CRACDL: variants seen among roughly 807,000 people sequenced by gnomAD.
CRACDL encodes the protein CRACD-like protein.
Under a neutral mutation model 70.6 loss-of-function variants are expected in CRACDL, and 26 were observed. The observed-to-expected ratio is 0.37, with a 90% CI of 0.27 to 0.51. The LOEUF is 0.51. Ranked by LOEUF, CRACDL falls within the 20% of genes least tolerant of loss-of-function variation. The pLI is 0.94. For synonymous variants in CRACDL, 618 were observed against 615.2 expected (o/e 1.00, Z -0.07); for missense variants, 1,283 against 1,376.9 (o/e 0.93, Z 1.08).
At chr2:98,803,641 T>C (rs1377791964) in intron 7 of CRACDL, among the ~76,000 whole-genome samples, 1 of 152,218 alleles carries the variant, frequency 6.6e-6, no homozygotes, top group Non-Finnish European at 1.5e-5. Context: ...CATTATGCTG[T>C]CATCCTAAAA....
chr2:98,798,446 A>C (rs1703932800), intron 7 of CRACDL, among the ~76,000 whole-genome samples: 1 of 89,360 alleles, frequency 1.1e-5, no homozygotes, highest in Non-Finnish European at 2.4e-5. Flanking sequence ...TCCGTCTCAA[A>C]AAAAAAAAAA....
At chr2:98,843,804 A>T (rs940991280) in intron 2 of CRACDL, among the ~76,000 whole-genome samples, 1 of 152,106 alleles carries the variant, frequency 6.6e-6, no homozygotes, top group Non-Finnish European at 1.5e-5. Flanking sequence ...TGAAGCTTTC[A>T]ACTTTATGTT....
chr2:98,862,072 T>C (rs1706960971), intron 1 of CRACDL, among the ~76,000 whole-genome samples: 1 of 152,180 alleles, frequency 6.6e-6, no homozygotes, highest in Admixed American at 6.5e-5. Context: ...TTTTTCTTCC[T>C]TCACTTTTCT....
chr2:98,829,836 G>T (rs912636007), intron 5 of CRACDL, among the ~76,000 whole-genome samples: 1 of 152,162 alleles, frequency 6.6e-6, no homozygotes, highest in Non-Finnish European at 1.5e-5. Context: ...GGAAGCAGGG[G>T]GGCCTGGCTG....
intron 1 of CRACDL, among the ~76,000 whole-genome samples, chr2:98,893,052 G>A (rs1431778027): frequency 3.9e-5 from 6 of 152,188 alleles, no homozygotes; most frequent in African/African-American, 9.7e-5. Context: ...CCTTGCAGGA[G>A]CATCTTCGGC....
At chr2:98,807,192 G>T (rs1013979016) in intron 7 of CRACDL, among the ~76,000 whole-genome samples, 7 of 152,176 alleles carry the variant, frequency 4.6e-5, no homozygotes, top group Admixed American at 2.6e-4. Flanking sequence ...ACAAAGCTGG[G>T]ATTTGAACAC....
At chr2:98,854,577 C>A (rs1272996755) in intron 1 of CRACDL, among the ~76,000 whole-genome samples, 2 of 151,860 alleles carry the variant, frequency 1.3e-5, no homozygotes, top group East Asian at 3.9e-4. Context: ...AAATATCTTA[C>A]AAAAATAAAA....
chr2:98,842,572 C>T (rs1446409982), intron 2 of CRACDL, among the ~76,000 whole-genome samples: 1 of 152,058 alleles, frequency 6.6e-6, no homozygotes, highest in African/African-American at 2.4e-5. Flanking sequence ...CAACATTCCC[C>T]GCTACCTTTA....
chr2:98,926,272 C>T (rs548949794), intron 1 of CRACDL, among the ~76,000 whole-genome samples: 9 of 152,202 alleles, frequency 5.9e-5, no homozygotes, highest in African/African-American at 2.2e-4. Flanking sequence ...ATATGGGTTC[C>T]CCAGACAGGC....
chr2:98,811,607 C>G (rs771424363), intron 7 of CRACDL, among the ~76,000 whole-genome samples: 2 of 151,148 alleles, frequency 1.3e-5, no homozygotes, highest in South Asian at 4.2e-4. Flanking sequence ...AATTTTAACA[C>G]GTTTAGCTTC....
intron 5 of CRACDL, among the ~76,000 whole-genome samples, chr2:98,828,817 A>G (rs1705421875): frequency 6.6e-6 from 1 of 152,208 alleles, no homozygotes; most frequent in African/African-American, 2.4e-5. Flanking sequence ...AATAAGCCGC[A>G]AGTCTCCTGG....
chr2:98,876,055 A>C (rs868191682), intron 1 of CRACDL, among the ~76,000 whole-genome samples: 3 of 152,208 alleles, frequency 2.0e-5, no homozygotes, highest in Non-Finnish European at 2.9e-5. Flanking sequence ...TACACTTGAG[A>C]GCAAAAGCCA....
At chr2:98,880,454 G>T (rs145122177) in intron 1 of CRACDL, among the ~76,000 whole-genome samples, 24 of 152,332 alleles carry the variant, frequency 1.6e-4, no homozygotes, top group African/African-American at 5.5e-4. Context: ...ACTCGGAGTT[G>T]TGACTAAAAG....
At chr2:98,825,760 A>G (rs1441028126) in intron 6 of CRACDL, among the ~76,000 whole-genome samples, 1 of 152,238 alleles carries the variant, frequency 6.6e-6, no homozygotes, top group African/African-American at 2.4e-5. Context: ...TAGCTGGCAC[A>G]TCAGCCTGAA....
intron 1 of CRACDL, among the ~76,000 whole-genome samples, chr2:98,847,916 T>C (rs1055902781): frequency 6.6e-6 from 1 of 152,160 alleles, no homozygotes. Context: ...TTGGCTCTAA[T>C]ATTTCGATTT....
intron 1 of CRACDL, among the ~76,000 whole-genome samples, chr2:98,895,608 GC>G (rs1416138899): frequency 5.3e-5 from 8 of 152,114 alleles, no homozygotes; most frequent in Non-Finnish European, 1.2e-4. Context: ...AGTAGAGGGG[GC>G]TAGATGATTC....
intron 1 of CRACDL, among the ~76,000 whole-genome samples, chr2:98,901,882 AAC>A (rs147152493): frequency 0.03 from 4,598 of 152,242 alleles, 131 homozygotes; most frequent in South Asian, 0.053. Flanking sequence ...ATCAGGATCA[AAC>A]ACAGCCCCTC....
intron 1 of CRACDL, among the ~76,000 whole-genome samples, chr2:98,926,955 C>G (rs556664505): frequency 1.3e-5 from 2 of 152,142 alleles, no homozygotes; most frequent in Non-Finnish European, 2.9e-5. Flanking sequence ...GGGCGGGTCT[C>G]CAGGGATTCG....
intron 1 of CRACDL, among the ~76,000 whole-genome samples, chr2:98,858,908 T>C (rs1450408000): frequency 6.6e-6 from 1 of 152,190 alleles, no homozygotes; most frequent in Admixed American, 6.5e-5. Flanking sequence ...GACAAATTCC[T>C]AGAAAGACAC....
Sources: gnomAD v4.1 joint callset for allele counts (sites outside exome capture counted in the v4.1 genomes callset) on GRCh38, gnomAD v4.1.1 for gene constraint, MANE v1.5 for transcripts, NCBI Gene and HGNC (gene_info 2026-07-23, HGNC 2026-07-21) for gene names.